Variants in KSR2 observed in about 807,000 individuals in gnomAD.
KSR2 encodes kinase suppressor of ras 2.
A neutral mutation model predicts 107.8 loss-of-function variants in KSR2; 25 were observed. That is an observed-to-expected ratio of 0.23 (90% confidence interval 0.17 to 0.32). KSR2 has a LOEUF of 0.32. Among genes scored for constraint, KSR2 ranks in the 10% least tolerant of loss-of-function variants. The probability of loss-of-function intolerance (pLI) is 1.00; values close to 1 mark genes in which losing one functional copy is unlikely to be tolerated. For missense variants in KSR2, 887 were observed against 1,268.9 expected, an observed-to-expected ratio of 0.70 and a Z score of 4.57; for synonymous variants, 480 against 507.0, an observed-to-expected ratio of 0.95 and a Z score of 0.71.
At chr12:117,931,695 G>A (rs1275064748) in intron 1 of KSR2, among the ~76,000 whole-genome samples, 1 of 152,130 alleles carries the variant, frequency 6.6e-6, no homozygotes, top group Non-Finnish European at 1.5e-5. Context: ...CCAAACCATA[G>A]GAACAATACA....
chr12:117,832,991 T>C (rs543241730), intron 3 of KSR2, among the ~76,000 whole-genome samples: 372 of 152,128 alleles, frequency 2.4e-3, no homozygotes, highest in Non-Finnish European at 4.5e-3. Flanking sequence ...TCCCAACAAA[T>C]ACCCTGCCTT....
chr12:117,854,621 G>A lies in KSR2; in HGVS notation c.472+807C>T, dbSNP rs562178651. 1.7e-4 allele frequency among the ~76,000 whole-genome samples: 26 copies of A among 152,284 alleles called. No individual in the cohort carries two copies. The East Asian group carries it at 2.7e-3, about 16-fold the overall frequency. On this transcript the variant is annotated intron_variant, in intron 3 of 19. Transcript: ENST00000339824. ...CCTTGTGGTGGGAACTGCAACAACC[G>A]TGCTGATGGCCACTAACACTTCTCC... is the stretch of plus-strand genomic sequence containing the variant.
intron 4 of KSR2, among the ~76,000 whole-genome samples, chr12:117,686,434 G>A (rs768898175): frequency 6.6e-6 from 1 of 151,798 alleles, no homozygotes; most frequent in Admixed American, 6.6e-5. Context: ...GAGGCTAGGC[G>A]ACTTGTCTAA....
At chr12:117,538,057 G>C (rs1450575202) in intron 10 of KSR2, among the ~76,000 whole-genome samples, 6 of 151,996 alleles carry the variant, frequency 3.9e-5, no homozygotes, top group Non-Finnish European at 7.4e-5. Flanking sequence ...GGAAAGCATC[G>C]GGCTCACTTC....
intron 7 of KSR2, among the ~76,000 whole-genome samples, chr12:117,559,041 A>T (rs199836812): frequency 6.9e-6 from 1 of 145,334 alleles, no homozygotes; most frequent in African/African-American, 2.5e-5. Flanking sequence ...GATGGATGGA[A>T]GGATGGATGG....
chr12:117,857,213 C>T (rs762135225), intron 2 of KSR2, among the ~76,000 whole-genome samples: 4 of 152,146 alleles, frequency 2.6e-5, no homozygotes, highest in Non-Finnish European at 5.9e-5. Flanking sequence ...CATGCACCAA[C>T]ATGCCTGGCT....
At position 117,646,330 on chromosome 12, in the gene KSR2, C is replaced by G. The variant is rs538149580; in HGVS notation, c.1171+21144G>C. Among the ~76,000 whole-genome samples the G allele has an allele frequency of 6.8e-4, 103 of 152,314 alleles. 1 individual carries two copies. The highest frequency in any genetic ancestry group is 2.5e-3 in the African/African-American group (102 of 41,570). ...AGAAGCAGCAGCTGAACCTATCCAG[C>G]CATTTCCAGCCCATAACATGCAGTA... is the stretch of plus-strand genomic sequence containing the variant. On this transcript the variant is annotated intron_variant, in intron 5 of 19. Coordinates refer to ENST00000339824, the MANE Select transcript of KSR2 (RefSeq NM_173598.6).
At chr12:117,966,986 G>A (rs1194369069) in intron 1 of KSR2, among the ~76,000 whole-genome samples, 3 of 152,134 alleles carry the variant, frequency 2.0e-5, no homozygotes, top group Non-Finnish European at 4.4e-5. Flanking sequence ...GCGGATGCCA[G>A]CTAATGGAAG....
chr12:117,870,360 G>A (rs1177682563), intron 1 of KSR2, among the ~76,000 whole-genome samples: 1 of 152,160 alleles, frequency 6.6e-6, no homozygotes, highest in East Asian at 1.9e-4. Context: ...CAACACTTTA[G>A]GAGACAGAGG....
At chr12:117,882,119 G>C (rs1262292375) in intron 1 of KSR2, among the ~76,000 whole-genome samples, 1 of 152,160 alleles carries the variant, frequency 6.6e-6, no homozygotes, top group Admixed American at 6.5e-5. Flanking sequence ...TTCCAACAAG[G>C]CTCTCAAGGG....
intron 1 of KSR2, among the ~76,000 whole-genome samples, chr12:117,942,746 C>T (rs192449456): frequency 5.4e-4 from 82 of 151,862 alleles, no homozygotes; most frequent in African/African-American, 1.8e-3. Flanking sequence ...GCAATCCTTC[C>T]GCCTTGGCCT....
intron 3 of KSR2, among the ~76,000 whole-genome samples, chr12:117,804,830 T>C (rs1202102756): frequency 1.3e-5 from 2 of 152,158 alleles, no homozygotes; most frequent in Admixed American, 1.3e-4. Context: ...CTGCTCTCCC[T>C]CTCATTACAG....
At chr12:117,822,154 G>A (rs1173632151) in intron 3 of KSR2, among the ~76,000 whole-genome samples, 3 of 152,168 alleles carry the variant, frequency 2.0e-5, no homozygotes, top group Non-Finnish European at 4.4e-5. Flanking sequence ...AAAAAGGGGA[G>A]GCATGAATAA....
chr12:117,811,348 G>A (rs1891183525), intron 3 of KSR2, among the ~76,000 whole-genome samples: 1 of 152,178 alleles, frequency 6.6e-6, no homozygotes, highest in South Asian at 2.1e-4. Flanking sequence ...ACAATTTGGG[G>A]GAAGGAATAA....
chr12:117,944,684 C>T (rs1230546598), intron 1 of KSR2, among the ~76,000 whole-genome samples: 1 of 151,410 alleles, frequency 6.6e-6, no homozygotes, highest in Non-Finnish European at 1.5e-5. Flanking sequence ...AGCAAGACCC[C>T]CATCTCTACA....
chr12:117,752,597 A>T (rs684280), intron 4 of KSR2, among the ~76,000 whole-genome samples: 28,873 of 152,170 alleles, frequency 0.19, 3,430 homozygotes, highest in South Asian at 0.28. Flanking sequence ...GAAATGGAGA[A>T]TTTTATCATC....
At chr12:117,582,090 G>T (rs1187710203) in intron 6 of KSR2, among the ~76,000 whole-genome samples, 200 bp downstream of exon 6, 2 of 152,170 alleles carry the variant, frequency 1.3e-5, no homozygotes, top group African/African-American at 2.4e-5. Flanking sequence ...ATTTTATAAG[G>T]GTCAGATTAG....
chr12:117,484,431 A>G lies in KSR2; in HGVS notation c.2435T>C (p.Val812Ala). The G allele has an allele frequency of 6.2e-7, 1 of 1,613,940 alleles. No homozygotes were observed. Among genetic ancestry groups the G allele is most frequent in the Non-Finnish European group, 8.5e-7 (1 of 1,179,832 alleles). Reference protein sequence around the residue: ...TDFGLFSISGVLQAGRREDKL... With the variant: ...TDFGLFSISGALQAGRREDKL... ...TGCCTCTCACCTGCCAGCCTGCAGC[A>G]CCCCAGAAATGCTGAAGAGTCCAAA... The change falls in exon 16 of 20, where the codon GTG becomes GCG. Residue 812 changes from valine to alanine, a missense_variant. Coordinates refer to ENST00000339824, the MANE Select transcript of KSR2 (RefSeq NM_173598.6).
intron 1 of KSR2, among the ~76,000 whole-genome samples, chr12:117,919,587 T>C (rs1345112317): frequency 6.6e-6 from 1 of 152,256 alleles, no homozygotes; most frequent in East Asian, 1.9e-4. Flanking sequence ...CCATAGTCAC[T>C]AATGCTACTC....
Sources: allele counts gnomAD v4.1 joint callset (sites outside exome capture counted in the v4.1 genomes callset), GRCh38; gene constraint gnomAD v4.1.1; transcripts MANE v1.5; gene names NCBI Gene and HGNC (gene_info 2026-07-23, HGNC 2026-07-21).